The following CDH12 variants were observed in gnomAD, a reference collection of about 807,000 sequenced individuals.
CDH12 encodes the protein cadherin-12.
CDH12 carries 41 observed loss-of-function variants against 74.1 expected under a neutral mutation model. The observed-to-expected ratio is 0.55, with a 90% CI of 0.43 to 0.72. The LOEUF (loss-of-function observed/expected upper bound fraction) is 0.72, where lower values mean the gene tolerates loss of function less well. Ranked by LOEUF, CDH12 falls within the 30% of genes least tolerant of loss-of-function variation. The probability of loss-of-function intolerance (pLI) is 0.00; values close to 1 mark genes in which losing one functional copy is unlikely to be tolerated. For missense variants in CDH12, 945 were observed against 977.2 expected (o/e 0.97, Z 0.44); for synonymous variants, 399 against 355.0 (o/e 1.12, Z -1.39).
chr5:22,634,686 G>A (rs921801842), intron 1 of CDH12, among the ~76,000 whole-genome samples: 1 of 151,976 alleles, frequency 6.6e-6, no homozygotes, highest in Non-Finnish European at 1.5e-5. Flanking sequence ...GTATCAATGT[G>A]CAAAAATCAA....
intron 1 of CDH12, among the ~76,000 whole-genome samples, chr5:22,511,083 C>T (rs901321041): frequency 2.0e-5 from 3 of 151,940 alleles, no homozygotes; most frequent in Non-Finnish European, 2.9e-5. Flanking sequence ...TTAGTACAGA[C>T]AGGGTTTCAC....
chr5:22,508,037 G>A (rs914588550), intron 1 of CDH12, among the ~76,000 whole-genome samples: 3 of 152,088 alleles, frequency 2.0e-5, no homozygotes, highest in African/African-American at 4.8e-5. Flanking sequence ...GAATGCATGT[G>A]TTTATAATTT....
At chr5:21,958,514 CTAGT>C (rs1561328304) in intron 6 of CDH12, among the ~76,000 whole-genome samples, 1 of 152,116 alleles carries the variant, frequency 6.6e-6, no homozygotes, top group Non-Finnish European at 1.5e-5. Flanking sequence ...TTGCATATGG[CTAGT>C]TAGTTATCCC....
chr5:22,014,699 T>G (rs1219793355), intron 5 of CDH12, among the ~76,000 whole-genome samples: 1 of 152,214 alleles, frequency 6.6e-6, no homozygotes, highest in Middle Eastern at 3.4e-3. Context: ...TGATAAAATT[T>G]TACCTCATTC....
At chr5:22,583,816 T>C (rs1362164212) in intron 1 of CDH12, among the ~76,000 whole-genome samples, 1 of 152,136 alleles carries the variant, frequency 6.6e-6, no homozygotes. Flanking sequence ...GATAATATAG[T>C]GTCTTCATTG....
At chr5:22,224,778 T>C (rs925566435) in intron 3 of CDH12, among the ~76,000 whole-genome samples, 2 of 151,966 alleles carry the variant, frequency 1.3e-5, no homozygotes, top group Non-Finnish European at 1.5e-5. Flanking sequence ...CTCAATTAAG[T>C]TGCATTTTGT....
chr5:22,188,606 C>A (rs1401558777), intron 4 of CDH12, among the ~76,000 whole-genome samples: 1 of 152,108 alleles, frequency 6.6e-6, no homozygotes, highest in African/African-American at 2.4e-5. Context: ...TGTCACCTAC[C>A]TACACCATTT....
intron 7 of CDH12, among the ~76,000 whole-genome samples, chr5:21,849,588 T>C (rs112355944): frequency 0.013 from 1,986 of 151,950 alleles, 40 homozygotes; most frequent in African/African-American, 0.045. Context: ...CTTGCCTTAA[T>C]GCTTCCTGGC....
intron 1 of CDH12, among the ~76,000 whole-genome samples, chr5:22,583,014 A>C (rs1740182800): frequency 6.6e-6 from 1 of 152,128 alleles, no homozygotes. Context: ...CAGTAGAGAG[A>C]AAAGCGCACT....
At chr5:22,309,998 T>A (rs975035720) in intron 3 of CDH12, among the ~76,000 whole-genome samples, 1 of 1,266 alleles carries the variant, frequency 7.9e-4, no homozygotes, top group Non-Finnish European at 1.6e-3. Flanking sequence ...TGGGGGCTGT[T>A]GGGGGGTGGG....
At chr5:22,691,723 C>T (rs1041145298) in intron 1 of CDH12, among the ~76,000 whole-genome samples, 1 of 152,174 alleles carries the variant, frequency 6.6e-6, no homozygotes, top group Non-Finnish European at 1.5e-5. Context: ...GGAAGCATCA[C>T]TTTCCCTGAC....
intron 6 of CDH12, among the ~76,000 whole-genome samples, chr5:21,901,237 T>G (rs1368232960): frequency 6.6e-6 from 1 of 152,128 alleles, no homozygotes; most frequent in Non-Finnish European, 1.5e-5. Flanking sequence ...AAAAAACATG[T>G]TTTTGTATGC....
At chr5:22,001,869 A>G (rs894599883) in intron 5 of CDH12, among the ~76,000 whole-genome samples, 5 of 151,992 alleles carry the variant, frequency 3.3e-5, no homozygotes, top group African/African-American at 1.2e-4. Context: ...TTTTGATGTT[A>G]TCATGGAGTT....
At chr5:22,513,330 C>A (rs1736685163) in intron 1 of CDH12, among the ~76,000 whole-genome samples, 1 of 151,704 alleles carries the variant, frequency 6.6e-6, no homozygotes, top group Admixed American at 6.6e-5. Flanking sequence ...AAAAGGAAGA[C>A]CAACAACATA....
intron 3 of CDH12, among the ~76,000 whole-genome samples, chr5:22,394,782 G>A (rs1272347080): frequency 6.6e-6 from 1 of 152,084 alleles, no homozygotes; most frequent in East Asian, 1.9e-4. Context: ...TAAATGGAGA[G>A]AAATTTTGCC....
rs536845824 is a variant in CDH12 at position 21,922,030 on chromosome 5, G to A, written c.526+53061C>T. The stretch of plus-strand genomic sequence containing the variant: ...TATAGTAACTTCTTTTACCATGGGG[G>A]TGTCCAACATTGACAGCTTTGTCAA... On this transcript the variant is annotated intron_variant, in intron 6 of 14. Transcript: ENST00000382254. Among the ~76,000 whole-genome samples the A allele has an allele frequency of 3.3e-5, 5 of 152,230 alleles. No individual in the cohort carries two copies. In the South Asian group the frequency reaches 1.0e-3, roughly 32 times the overall value.
At chr5:22,823,445 A>T (rs1196636620) in intron 1 of CDH12, among the ~76,000 whole-genome samples, 1 of 152,004 alleles carries the variant, frequency 6.6e-6, no homozygotes, top group Admixed American at 6.6e-5. Flanking sequence ...GCTGCCACTC[A>T]TGTAAGACCT....
At chr5:22,138,677 T>G (rs995344213) in intron 4 of CDH12, among the ~76,000 whole-genome samples, 14 of 150,298 alleles carry the variant, frequency 9.3e-5, no homozygotes, top group African/African-American at 3.4e-4. Context: ...GAGTCATATC[T>G]GCAGGATCTT....
At chr5:22,348,340 G>A (rs980344551) in intron 3 of CDH12, among the ~76,000 whole-genome samples, 6 of 152,310 alleles carry the variant, frequency 3.9e-5, no homozygotes, top group East Asian at 1.9e-4. Flanking sequence ...TCCTGAAATC[G>A]TGTATCCTAA....
Sources: allele counts gnomAD v4.1 joint callset (sites outside exome capture counted in the v4.1 genomes callset), GRCh38; gene constraint gnomAD v4.1.1; transcripts MANE v1.5; gene names NCBI Gene and HGNC (gene_info 2026-07-23, HGNC 2026-07-21).